WDR1: variants seen among roughly 807,000 people sequenced by gnomAD.
The protein encoded by WDR1 is WD repeat domain 1.
A neutral mutation model predicts 71.9 loss-of-function variants in WDR1; 21 were observed. The ratio of observed to expected loss-of-function variants is 0.29; its 90% CI spans 0.21 to 0.42. WDR1 has a LOEUF of 0.42. Ranked by LOEUF, WDR1 falls within the 10% of genes least tolerant of loss-of-function variation. The pLI is 1.00. For synonymous variants in WDR1, 424 were observed against 347.4 expected, an observed-to-expected ratio of 1.22 and a Z score of -2.45; for missense variants, 696 against 824.5, an observed-to-expected ratio of 0.84 and a Z score of 1.91.
intron 8 of WDR1, among the ~76,000 whole-genome samples, chr4:10,085,913 G>C (rs890840812): frequency 2.0e-5 from 3 of 152,196 alleles, no homozygotes; most frequent in Non-Finnish European, 4.4e-5. Context: ...CTGGCCCTTG[G>C]GGTTTTGGTG....
chr4:10,078,057 CA>C, intron 12 of WDR1, 131 bp from the exon 13 acceptor site: 1 of 1,182,266 alleles, frequency 8.5e-7, no homozygotes, highest in East Asian at 2.7e-5. Flanking sequence ...GGGCCCATGC[CA>C]GGAGCTGGGC....
intron 5 of WDR1, among the ~76,000 whole-genome samples, chr4:10,097,182 G>A (rs898878197): frequency 3.3e-5 from 5 of 152,286 alleles, no homozygotes; most frequent in Non-Finnish European, 7.3e-5. Context: ...ATGGGCCTCT[G>A]AGATGCTGCC....
chr4:10,092,691 G>T, intron 5 of WDR1: 1 of 270,462 alleles, frequency 3.7e-6, no homozygotes, highest in Non-Finnish European at 7.5e-6. Flanking sequence ...AAAGAGAGAA[G>T]CCGCGAAAAG....
At chr4:10,101,894 C>CT (rs1712703839) in intron 3 of WDR1, among the ~76,000 whole-genome samples, 1 of 152,252 alleles carries the variant, frequency 6.6e-6, no homozygotes, top group African/African-American at 2.4e-5. Flanking sequence ...AATGAAGAGA[C>CT]TTTTGCTGGC....
intron 2 of WDR1, among the ~76,000 whole-genome samples, chr4:10,105,200 T>C (rs1319775509): frequency 6.6e-6 from 1 of 152,192 alleles, no homozygotes; most frequent in Non-Finnish European, 1.5e-5. Context: ...TGCTTCCAGA[T>C]CATTTAACAT....
chr4:10,084,941 G>C (rs1765154897), intron 8 of WDR1, among the ~76,000 whole-genome samples: 1 of 152,230 alleles, frequency 6.6e-6, no homozygotes, highest in South Asian at 2.1e-4. Context: ...GGCCACATTC[G>C]CTTCAGGCCC....
chr4:10,077,230 G>A, intron 14 of WDR1, 74 bp downstream of exon 14: 1 of 1,584,872 alleles, frequency 6.3e-7, no homozygotes, highest in South Asian at 1.1e-5. Flanking sequence ...TGAAGCCAGG[G>A]GACAGCCTGT....
rs571790883 is a variant in WDR1 at position 10,092,662 on chromosome 4, C to T, written c.559-3921G>A. Reference sequence around the variant, plus strand: ...GTCCAAATGCAGACACTGATGTCTGCTCCTGAAATAGCCCCTTCAAAGAGA... The same window carrying T: ...GTCCAAATGCAGACACTGATGTCTGTTCCTGAAATAGCCCCTTCAAAGAGA... On this transcript the variant is annotated intron_variant, in intron 5 of 14. Transcript: ENST00000499869. 9.6e-5 allele frequency: 25 copies of T among 261,242 alleles called. No individual in the cohort carries two copies. In the South Asian group the frequency reaches 1.0e-3, roughly 11 times the overall value. 16.2% of individuals were successfully genotyped at this position (261,242 alleles called of 1,614,324 possible).
At position 10,087,943 on chromosome 4, in the gene WDR1, A is replaced by G; in HGVS notation, c.718-3T>C. 1 of 1,549,666 alleles carries G rather than the reference A, an allele frequency of 6.5e-7. No homozygotes were observed. The highest frequency in any genetic ancestry group is 8.7e-7 in the Non-Finnish European group (1 of 1,145,878). On this transcript the variant is annotated splice_region_variant and splice_polypyrimidine_tract_variant and intron_variant, in intron 7 of 14. Transcript: ENST00000499869. The stretch of plus-strand genomic sequence containing the variant: ...GTGCTGTCGGGACTCCAACTAATCT[A>G]TTCAGAAAAAAGCAGTGTGTCATGT...
At chr4:10,111,102 T>C (rs1048899959) in intron 2 of WDR1, among the ~76,000 whole-genome samples, 1 of 147,722 alleles carries the variant, frequency 6.8e-6, no homozygotes, top group Non-Finnish European at 1.5e-5. Context: ...AGATCTCAGA[T>C]ACAGAACTTC....
At chr4:10,109,322 C>T (rs1713210477) in intron 2 of WDR1, among the ~76,000 whole-genome samples, 2 of 152,262 alleles carry the variant, frequency 1.3e-5, no homozygotes, top group Admixed American at 1.3e-4. Context: ...AACAAATGCT[C>T]AACACCTTCA....
chr4:10,082,365 T>C (rs550261375), intron 10 of WDR1, among the ~76,000 whole-genome samples: 1 of 151,190 alleles, frequency 6.6e-6, no homozygotes, highest in African/African-American at 2.4e-5. Context: ...GACAAAGGGG[T>C]CTACACAAGA....
intron 9 of WDR1, chr4:10,083,494 A>C (rs1466690578): frequency 2.0e-6 from 1 of 511,368 alleles, no homozygotes. Context: ...CAACCCTCTA[A>C]CCCCACATTT....
intron 5 of WDR1, among the ~76,000 whole-genome samples, chr4:10,095,554 C>T (rs376035125): frequency 2.0e-5 from 3 of 152,154 alleles, no homozygotes; most frequent in South Asian, 4.1e-4. Flanking sequence ...ATGGAGAGCA[C>T]GACCGCAGCT....
chr4:10,116,499 C>T (rs1713742328), intron 1 of WDR1, 152 bp downstream of exon 1: 1 of 654,188 alleles, frequency 1.5e-6, no homozygotes, highest in Non-Finnish European at 2.0e-6. Context: ...CGCCCTGCAC[C>T]ACCGAGGGCG....
At chr4:10,091,411 C>T (rs1711970981) in intron 5 of WDR1, 1 of 152,246 alleles carries the variant, frequency 6.6e-6, no homozygotes, top group Admixed American at 6.5e-5. Context: ...GATGGGGCTC[C>T]AGGGCCCTCC....
At chr4:10,084,936 C>T (rs1765154656) in intron 8 of WDR1, among the ~76,000 whole-genome samples, 1 of 152,264 alleles carries the variant, frequency 6.6e-6, no homozygotes, top group South Asian at 2.1e-4. Flanking sequence ...TCGCTGGCCA[C>T]ATTCGCTTCA....
rs750940480 is a variant in WDR1, at chr4:10,092,761, G to A, written c.559-4020C>T. 1.4e-4 allele frequency: 40 copies of A among 278,680 alleles called. 1 individual carries two copies. The highest frequency in any genetic ancestry group is 6.0e-4 in the Admixed American group (14 of 23,208). 17.3% of individuals were successfully genotyped at this position (278,680 alleles called of 1,614,324 possible). On this transcript the variant is annotated intron_variant, in intron 5 of 14. Transcript: ENST00000499869. ...CCCTTTCCACACGGAGGCCCGGCCA[G>A]TGAACAAAGAGGGAGAGGGATTGGG...
intron 2 of WDR1, among the ~76,000 whole-genome samples, chr4:10,110,460 G>A (rs1035330815): frequency 6.6e-6 from 1 of 152,196 alleles, no homozygotes; most frequent in African/African-American, 2.4e-5. Flanking sequence ...GGCAAGAAAT[G>A]TACCAAAAGC....
Sources: gnomAD v4.1 joint callset for allele counts (sites outside exome capture counted in the v4.1 genomes callset) on GRCh38, gnomAD v4.1.1 for gene constraint, MANE v1.5 for transcripts, NCBI Gene and HGNC (gene_info 2026-07-23, HGNC 2026-07-21) for gene names.